Variants in ZNF423 observed in about 807,000 individuals in gnomAD.
ZNF423 encodes Ebf-associated zinc finger protein.
In ZNF423, 12 loss-of-function variants were observed where a neutral mutation model predicts 95.8. The ratio of observed to expected loss-of-function variants is 0.13; its 90% CI spans 0.08 to 0.20. The LOEUF (loss-of-function observed/expected upper bound fraction) is 0.20. Ranked by LOEUF, ZNF423 falls within the 10% of genes least tolerant of loss-of-function variation. The pLI is 1.00. For synonymous variants in ZNF423, 749 were observed against 711.9 expected (o/e 1.05, Z -0.83); for missense variants, 1,316 against 1,737.1 (o/e 0.76, Z 4.31).
rs777932033 is a variant in ZNF423 at position 49,637,853 on chromosome 16, G to A, written c.1323C>T (p.His441=). The A allele has an allele frequency of 2.2e-5, 35 of 1,614,094 alleles. No individual in the cohort carries two copies. The highest frequency in any genetic ancestry group is 6.7e-5 in the Admixed American group (4 of 60,014). ...AVLEIHLKTI[H]ADKPQQSHTC... ...TGTGGCTCTGCTGGGGCTTGTCCGC[G>A]TGGATGGTCTTCAGGTGGATCTCCA... The change falls in exon 4 of 8, where the codon CAC becomes CAT. Residue 441 remains histidine (H), a synonymous_variant. Coordinates refer to ENST00000563137, the MANE Select transcript of ZNF423 (RefSeq NM_001379286.1). The surrounding 1 kb of genome is among the most constrained non-coding windows in gnomAD (Gnocchi z 5.6).
At chr16:49,716,045 G>T (rs1446652292) in intron 3 of ZNF423, among the ~76,000 whole-genome samples, 1 of 152,026 alleles carries the variant, frequency 6.6e-6, no homozygotes. Flanking sequence ...ACAGGGCCAG[G>T]CAGGGGAGTG....
intron 1 of ZNF423, among the ~76,000 whole-genome samples, chr16:49,815,914 A>ATATTTT (rs1445194160): frequency 2.0e-4 from 6 of 29,802 alleles, no homozygotes; most frequent in East Asian, 1.2e-3. Context: ...ATATATATAT[A>ATATTTT]TTTTTTTTTT....
chr16:49,843,575 C>G (rs1210972351), intron 1 of ZNF423, among the ~76,000 whole-genome samples: 2 of 152,110 alleles, frequency 1.3e-5, no homozygotes, highest in African/African-American at 4.8e-5. Flanking sequence ...AACTGAGAAA[C>G]TAGGAAAACA....
rs1361421133 is a variant in ZNF423 at position 49,852,828 on chromosome 16, AAAG to A, written c.40+2904_40+2906del. On this transcript the variant is annotated intron_variant, in intron 1 of 7. Transcript: ENST00000563137. The stretch of plus-strand genomic sequence containing the variant: ...GTCCTCCCTGTGAGCTGGGTTTTCC[AAAG>A]AAGGACAAACACACTGCGGGGACAA... Among the ~76,000 whole-genome samples the A allele has an allele frequency of 2.0e-5, 3 of 150,102 alleles. No individual in the cohort carries two copies. In the East Asian group the frequency reaches 5.9e-4, roughly 29 times the overall value.
intron 1 of ZNF423, among the ~76,000 whole-genome samples, chr16:49,825,596 G>A (rs1336541833): frequency 6.6e-6 from 1 of 151,956 alleles, no homozygotes; most frequent in South Asian, 2.1e-4. Flanking sequence ...GGAAGGCAGT[G>A]GGGGAGACAT....
At chr16:49,744,501 G>A (rs1002715566) in intron 2 of ZNF423, among the ~76,000 whole-genome samples, 44 of 150,110 alleles carry the variant, frequency 2.9e-4, no homozygotes, top group Admixed American at 9.9e-4. Context: ...GAGGCCAGGC[G>A]GGGTGTCCCC....
chr16:49,536,354 T>C (rs982961745), intron 5 of ZNF423, among the ~76,000 whole-genome samples: 1 of 151,132 alleles, frequency 6.6e-6, no homozygotes, highest in African/African-American at 2.4e-5. Flanking sequence ...CTGACTTCTA[T>C]TGAAAAGCTT....
At chr16:49,746,846 CT>C (rs148325372) in intron 2 of ZNF423, among the ~76,000 whole-genome samples, 2,555 of 152,316 alleles carry the variant, frequency 0.017, 36 homozygotes, top group Non-Finnish European at 0.028. Flanking sequence ...TGGAGCCCAT[CT>C]ACCCGAAGCA....
chr16:49,517,000 T>C (rs1386180834), intron 7 of ZNF423, among the ~76,000 whole-genome samples: 1 of 152,180 alleles, frequency 6.6e-6, no homozygotes, highest in African/African-American at 2.4e-5. Flanking sequence ...TGACAGGAGC[T>C]GTGGAACCTT....
intron 3 of ZNF423, among the ~76,000 whole-genome samples, chr16:49,659,529 C>T (rs1312582057): frequency 1.3e-5 from 2 of 152,194 alleles, no homozygotes; most frequent in Admixed American, 6.5e-5. Flanking sequence ...GGGCAGAGTC[C>T]GGCAGAGCCA....
intron 3 of ZNF423, among the ~76,000 whole-genome samples, chr16:49,715,309 G>GC (rs1175670304): frequency 2.0e-5 from 3 of 152,214 alleles, no homozygotes; most frequent in African/African-American, 4.8e-5. Context: ...AGCAAGGAGG[G>GC]CCGCGCTGAG....
intron 2 of ZNF423, among the ~76,000 whole-genome samples, chr16:49,775,285 T>C (rs979793755): frequency 1.3e-5 from 2 of 152,224 alleles, no homozygotes; most frequent in Non-Finnish European, 2.9e-5. Flanking sequence ...GGGAAAACAC[T>C]GGTCTGTCCC....
In ZNF423 at chr16:49,638,405, C is replaced by G. The variant is rs1248320608; in HGVS notation, c.771G>C (p.Glu257Asp). The G allele has an allele frequency of 2.5e-6, 4 of 1,613,996 alleles. No individual in the cohort carries two copies. The highest frequency in any genetic ancestry group is 3.4e-6 in the Non-Finnish European group (4 of 1,180,044). The change falls in exon 4 of 8, where the codon GAG (glutamate) becomes GAC (aspartate). Residue 257 changes from glutamate to aspartate, a missense_variant. Coordinates refer to ENST00000563137, the MANE Select transcript of ZNF423 (RefSeq NM_001379286.1). This position sits in a 1 kb window ranked among gnomAD's most constrained non-coding sequence, Gnocchi z 5.6. Reference protein sequence around the residue: ...SHMQAHKKNKEHLAKSEKEAK... With the variant: ...SHMQAHKKNKDHLAKSEKEAK... ...CTTCCTTCTCCGACTTGGCCAGATG[C>G]TCCTTGTTCTTTTTGTGGGCCTGCA...
At chr16:49,657,519 G>T (rs992900332) in intron 3 of ZNF423, among the ~76,000 whole-genome samples, 1 of 152,368 alleles carries the variant, frequency 6.6e-6, no homozygotes, top group Non-Finnish European at 1.5e-5. Context: ...GTGTCTGCCT[G>T]TCTCAAGTCT....
At chr16:49,792,096 T>C (rs1597013135) in intron 1 of ZNF423, among the ~76,000 whole-genome samples, 1 of 149,944 alleles carries the variant, frequency 6.7e-6, no homozygotes, top group East Asian at 2.0e-4. Context: ...GGATACAGAG[T>C]TTCTTTTTGA....
Position 49,637,723 on chromosome 16 carries a change from T to C in ZNF423, c.1453A>G (p.Ile485Val), listed in dbSNP as rs1250843967. 6.2e-7 allele frequency: 1 copy of C among 1,614,160 alleles called. No individual in the cohort carries two copies. The highest frequency in any genetic ancestry group is 1.1e-5 in the South Asian group (1 of 91,086). ...CAGTAGTTGCAGTGGAAGGCAGAGA[T>C]GTTGCCAAACTGCATCACAGGGTAG... is the stretch of plus-strand genomic sequence containing the variant. Reference protein sequence around the residue: ...HAYPVMQFGNISAFHCNYCPE... With the variant: ...HAYPVMQFGNVSAFHCNYCPE... The change falls in exon 4 of 8, where the codon ATC becomes GTC. Residue 485 changes from isoleucine to valine, a missense_variant. By Grantham distance (29) the Ile-to-Val change is conservative (BLOSUM62 3). Around this residue, in one of 6 missense-constraint regions of ZNF423, gnomAD observed 399 missense variants for 478.5 expected, o/e 0.83. Transcript: ENST00000563137. This position sits in a 1 kb window ranked among gnomAD's most constrained non-coding sequence, Gnocchi z 5.6.
Position 49,637,799 on chromosome 16 carries a change from G to A in ZNF423, c.1377C>T (p.Pro459=), listed in dbSNP as rs770488069. The change falls in exon 4 of 8, where the codon CCC becomes CCT. Residue 459 remains proline, a synonymous_variant. Coordinates refer to ENST00000563137, the MANE Select transcript of ZNF423 (RefSeq NM_001379286.1). The surrounding 1 kb of genome is among the most constrained non-coding windows in gnomAD (Gnocchi z 5.6). ...HTCQICLDSM[P]TLYNLNEHVR... ...CGTGCTCGTTGAGGTTGTAGAGGGT[G>A]GGCATGGAGTCCAGGCAGATCTGAC... The A allele has an allele frequency of 3.1e-6, 5 of 1,614,044 alleles. No individual in the cohort carries two copies. In the African/African-American group the frequency reaches 4.0e-5, roughly 13 times the overall value.
intron 6 of ZNF423, among the ~76,000 whole-genome samples, chr16:49,524,660 G>A (rs1257251038): frequency 6.6e-6 from 1 of 152,250 alleles, no homozygotes; most frequent in South Asian, 2.1e-4. Context: ...GCAGCTGTGT[G>A]TCTGGGAGGT....
At chr16:49,781,255 A>G (rs956220393) in intron 2 of ZNF423, among the ~76,000 whole-genome samples, 2 of 152,248 alleles carry the variant, frequency 1.3e-5, no homozygotes, top group Non-Finnish European at 2.9e-5. Context: ...GAAGATGTTC[A>G]TCATGGCATT....
Sources: gnomAD v4.1 joint callset for allele counts (sites outside exome capture counted in the v4.1 genomes callset) on GRCh38, gnomAD v4.1.1 for gene constraint, gnomAD v4.1.1 regional missense constraint, Gnocchi (gnomAD v3.1) non-coding constraint, MANE v1.5 for transcripts, NCBI Gene and HGNC (gene_info 2026-07-23, HGNC 2026-07-21) for gene names.